The following CDH23 variants were observed in gnomAD, a reference collection of about 807,000 sequenced individuals.
The protein encoded by CDH23 is cadherin-23.
Under a neutral mutation model 317.1 loss-of-function variants are expected in CDH23, and 189 were observed. The observed-to-expected ratio is 0.60, with a 90% confidence interval of 0.53 to 0.67. CDH23 has a LOEUF of 0.67. Ranked by LOEUF, CDH23 falls within the 30% of genes least tolerant of loss-of-function variation. The pLI, the probability that CDH23 is intolerant of heterozygous loss-of-function variation, is 0.00. For missense variants in CDH23, 4,401 were observed against 4,592.4 expected, an observed-to-expected ratio of 0.96 and a Z score of 1.20; for synonymous variants, 1,839 against 1,876.8, an observed-to-expected ratio of 0.98 and a Z score of 0.52.
chr10:71,796,199 T>C (rs1476489254), intron 48 of CDH23: 6 of 672,926 alleles, frequency 8.9e-6, no homozygotes, highest in East Asian at 1.3e-4. Flanking sequence ...GGTCTCACTC[T>C]GGGATGAAGC....
chr10:71,701,509 G>A (rs1401764438), intron 22 of CDH23, among the ~76,000 whole-genome samples: 1 of 152,102 alleles, frequency 6.6e-6, no homozygotes, highest in Non-Finnish European at 1.5e-5. Context: ...GAAGGGGCCA[G>A]AGTGTCTGAG....
chr10:71,422,655 C>T (rs1295055592), intron 1 of CDH23, among the ~76,000 whole-genome samples: 1 of 152,206 alleles, frequency 6.6e-6, no homozygotes, highest in Non-Finnish European at 1.5e-5. Context: ...AGGAGCTAGG[C>T]CCCCTGGGAT....
At chr10:71,590,254 G>A (rs911639297) in intron 9 of CDH23, among the ~76,000 whole-genome samples, 1 of 152,244 alleles carries the variant, frequency 6.6e-6, no homozygotes, top group Non-Finnish European at 1.5e-5. Flanking sequence ...GATATTTTCA[G>A]ACATTCATTG....
intron 3 of CDH23, among the ~76,000 whole-genome samples, chr10:71,488,352 A>C (rs182842647): frequency 1.1e-4 from 16 of 152,210 alleles, no homozygotes; most frequent in African/African-American, 3.6e-4. Flanking sequence ...CTAGAGAAAA[A>C]GATGGGAATC....
At chr10:71,654,119 C>G (rs1863307296) in intron 14 of CDH23, among the ~76,000 whole-genome samples, 1 of 152,300 alleles carries the variant, frequency 6.6e-6, no homozygotes, top group East Asian at 1.9e-4. Context: ...AGGTGAGAAC[C>G]AAGCCTCTTC....
At chr10:71,813,458 G>C (rs991575937) in intron 69 of CDH23, 110 bp downstream of exon 69, 3 of 970,302 alleles carry the variant, frequency 3.1e-6, no homozygotes, top group Non-Finnish European at 4.8e-6. Context: ...CTGCAGCCAG[G>C]ACCAAAGACA....
At position 71,814,970 on chromosome 10, in the gene CDH23, G is replaced by C; in HGVS notation, c.9757G>C (p.Asp3253His). 1 of 1,611,998 alleles carries C rather than the reference G, an allele frequency of 6.2e-7. No individual in the cohort carries two copies. The highest frequency in any genetic ancestry group is 8.5e-7 in the Non-Finnish European group (1 of 1,179,376). ...CTTGCAGCTGATACAGACTGAGCTGGACGAGGAGCCAGGAGACCACAGCCC... is the reference window on the plus strand; with the variant it reads ...CTTGCAGCTGATACAGACTGAGCTGCACGAGGAGCCAGGAGACCACAGCCC... ...SISELIQTEL[D>H]EEPGDHSPGQ... is the part of the protein sequence containing the mutation. Residue 3253 changes from aspartate (D) to histidine (H), a missense_variant, in exon 70 of 70, where the codon GAC becomes CAC. Coordinates refer to ENST00000224721, the MANE Select transcript of CDH23 (RefSeq NM_022124.6).
chr10:71,461,523 C>T (rs1482497377), intron 3 of CDH23, among the ~76,000 whole-genome samples: 1 of 152,220 alleles, frequency 6.6e-6, no homozygotes, highest in East Asian at 1.9e-4. Context: ...TGGAGAACAG[C>T]GCCAGGGTGA....
intron 3 of CDH23, among the ~76,000 whole-genome samples, chr10:71,488,679 C>T (rs543554519): frequency 6.6e-6 from 1 of 152,344 alleles, no homozygotes; most frequent in East Asian, 1.9e-4. Context: ...TCAGTGGGAA[C>T]TGAGAAAGCT....
At chr10:71,709,262 A>G in intron 27 of CDH23, 51 bp downstream of exon 27, 1 of 1,524,068 alleles carries the variant, frequency 6.6e-7, no homozygotes, top group Non-Finnish European at 9.1e-7. Context: ...CAGAGTTCAC[A>G]CAGGGTGCCT....
Position 71,606,356 on chromosome 10 carries a change from G to C in CDH23, c.833-9148G>C, listed in dbSNP as rs146327451. Among the ~76,000 whole-genome samples, 6 of 152,330 alleles carry C rather than the reference G, an allele frequency of 3.9e-5. No individual in the cohort carries two copies. In the East Asian group the frequency reaches 9.6e-4, roughly 24 times the overall value. ...TCAGCTCAAACAAACATAGCACTGT[G>C]GCTGCATCAGGAGGGTATTACAGCC... On this transcript the variant is annotated intron_variant, in intron 9 of 69. Transcript: ENST00000224721.
intron 19 of CDH23, 35 bp downstream of exon 19, chr10:71,687,754 G>A (rs1205692665): frequency 6.3e-7 from 1 of 1,597,610 alleles, no homozygotes; most frequent in African/African-American, 1.3e-5. Context: ...GGGGCACATG[G>A]AGGTAGGCAG....
At chr10:71,534,386 ATCAC>A (rs1384640781) in intron 6 of CDH23, among the ~76,000 whole-genome samples, 1 of 152,210 alleles carries the variant, frequency 6.6e-6, no homozygotes, top group African/African-American at 2.4e-5. Context: ...CCACAGCGCT[ATCAC>A]TGCGGAGAAA....
intron 14 of CDH23, among the ~76,000 whole-genome samples, chr10:71,670,784 T>G (rs1227045): frequency 2.0e-5 from 3 of 151,700 alleles, no homozygotes; most frequent in South Asian, 4.1e-4. Context: ...GCTTTGACTT[T>G]TTGCCCCTGG....
intron 1 of CDH23, among the ~76,000 whole-genome samples, chr10:71,417,209 T>A (rs185388667): frequency 6.6e-6 from 1 of 152,006 alleles, no homozygotes; most frequent in Non-Finnish European, 1.5e-5. Flanking sequence ...CCCAAGTACC[T>A]GGGACTACAG....
Position 71,802,883 on chromosome 10 carries a change from C to A in CDH23, c.7483-15C>A, listed in dbSNP as rs1841596217. 1 of 1,613,882 alleles carries A rather than the reference C, an allele frequency of 6.2e-7. No individual in the cohort carries two copies. Among genetic ancestry groups the A allele is most frequent in the South Asian group, 1.1e-5 (1 of 91,044 alleles). ...TCCTGCTCCTTACCTTTGGCCTTGA[C>A]CTCCATCCACCCAGGTGGTGATCCA... On this transcript the variant is annotated splice_polypyrimidine_tract_variant and intron_variant, in intron 53 of 69. Transcript: ENST00000224721.
Position 71,702,208 on chromosome 10 carries a change from G to A in CDH23, c.2584G>A (p.Asp862Asn), listed in dbSNP as rs1865614991. The part of the protein sequence containing the change: ...LMRKIVVSVT[D>N]CGRPPLKATS... ...GCGCAAAATCGTCGTCTCTGTTACT[G>A]ACTGTATGGACCCCTCTCGCCCCTC... is the stretch of plus-strand genomic sequence containing the variant. Residue 862 changes from aspartate to asparagine, a missense_variant, in exon 23 of 70, where the codon GAC becomes AAC. Asp to Asn is a conservative substitution (Grantham distance 23). Coordinates refer to ENST00000224721, the MANE Select transcript of CDH23 (RefSeq NM_022124.6). 2.5e-6 allele frequency: 4 copies of A among 1,613,392 alleles called. No individual in the cohort carries two copies. Among genetic ancestry groups the A allele is most frequent in the Admixed American group, 1.7e-5 (1 of 59,998 alleles).
In CDH23 at chr10:71,751,601, A is replaced by G; in HGVS notation, c.4845+9680A>G. ...TCAGGGAGGGCAGGGAGTGAGGCCG[A>G]TGCCCTGCAGGCCATGAGGTCATGA... On this transcript the variant is annotated intron_variant, in intron 38 of 69. Coordinates refer to ENST00000224721, the MANE Select transcript of CDH23 (RefSeq NM_022124.6). The surrounding 1 kb of genome is among the most constrained non-coding windows in gnomAD (Gnocchi z 4.9). 3 of 1,483,310 alleles carry G rather than the reference A, an allele frequency of 2.0e-6. No individual in the cohort carries two copies. The highest frequency in any genetic ancestry group is 2.7e-6 in the Non-Finnish European group (3 of 1,110,508). The allele number at this position is 1,483,310 out of a possible 1,614,324, so 91.9% of individuals were successfully genotyped here. A position where few individuals can be genotyped will look rare whatever the true frequency, so the allele number is the denominator to read the frequency against.
chr10:71,529,694 A>G (rs1307512441), intron 6 of CDH23, among the ~76,000 whole-genome samples: 1 of 152,120 alleles, frequency 6.6e-6, no homozygotes, highest in Non-Finnish European at 1.5e-5. Flanking sequence ...ACTAGAGTGT[A>G]TCACACTCAT....
Sources: gnomAD v4.1 joint callset for allele counts (sites outside exome capture counted in the v4.1 genomes callset) on GRCh38, gnomAD v4.1.1 for gene constraint, Gnocchi (gnomAD v3.1) non-coding constraint, MANE v1.5 for transcripts, NCBI Gene and HGNC (gene_info 2026-07-23, HGNC 2026-07-21) for gene names.